The following GARS1 variants were observed in gnomAD, a reference collection of about 807,000 sequenced individuals.
GARS1 encodes glycyl-tRNA synthetase 1.
Under a neutral mutation model 86.4 loss-of-function variants are expected in GARS1, and 46 were observed. The observed-to-expected ratio is 0.53, with a 90% confidence interval of 0.42 to 0.68. The LOEUF (loss-of-function observed/expected upper bound fraction) is 0.68, where lower values mean the gene tolerates loss of function less well. GARS1 is among the 30% of genes least tolerant of loss of function. GARS1 has a pLI of 0.00. For missense variants in GARS1, 797 were observed against 915.6 expected (o/e 0.87, Z 1.67); for synonymous variants, 342 against 329.8 (o/e 1.04, Z -0.40).
chr7:30,621,079 G>T (rs1212247802), intron 10 of GARS1, among the ~76,000 whole-genome samples: 1 of 145,614 alleles, frequency 6.9e-6, no homozygotes. Context: ...TTTAAGATAG[G>T]GTCTCACTGT....
At chr7:30,604,515 C>T (rs959066398) in intron 6 of GARS1, among the ~76,000 whole-genome samples, 1 of 150,010 alleles carries the variant, frequency 6.7e-6, no homozygotes, top group Non-Finnish European at 1.5e-5. Context: ...CCACTGTTGT[C>T]CTAATTTTTT....
chr7:30,614,136 A>G (rs555832689), intron 8 of GARS1: 3 of 152,302 alleles, frequency 2.0e-5, no homozygotes, highest in Non-Finnish European at 4.4e-5. Context: ...TATGATTTCA[A>G]GTCACACAGT....
At chr7:30,627,905 T>C (rs565541575) in intron 13 of GARS1, among the ~76,000 whole-genome samples, 1 of 152,266 alleles carries the variant, frequency 6.6e-6, no homozygotes, top group East Asian at 1.9e-4. Flanking sequence ...TTTTTTATGC[T>C]TTCTGGGTAG....
chr7:30,617,371 G>T, intron 10 of GARS1, 93 bp downstream of exon 10: 1 of 1,387,676 alleles, frequency 7.2e-7, no homozygotes. Flanking sequence ...TGTCACAGAG[G>T]AACAAAGGGA....
chr7:30,603,999 G>A (rs950103933), intron 6 of GARS1, among the ~76,000 whole-genome samples: 2 of 152,094 alleles, frequency 1.3e-5, no homozygotes, highest in African/African-American at 4.8e-5. Context: ...TCATGAGCAG[G>A]TCCTGACTTT....
chr7:30,625,901 G>C (rs1783119005), intron 12 of GARS1, among the ~76,000 whole-genome samples: 1 of 152,114 alleles, frequency 6.6e-6, no homozygotes, highest in Non-Finnish European at 1.5e-5. Flanking sequence ...TGACAAAGTT[G>C]TTATTATTCT....
At position 30,600,014 on chromosome 7, in the gene GARS1, G is replaced by A. The variant is rs1208484453; in HGVS notation, c.392G>A (p.Arg131Lys). 3.7e-6 allele frequency: 6 copies of A among 1,613,932 alleles called. No individual in the cohort carries two copies. The highest frequency in any genetic ancestry group is 5.1e-6 in the Non-Finnish European group (6 of 1,179,864). The part of the protein sequence containing the change: ...RAKMEDTLKR[R>K]FFYDQAFAIY... ...AAAATGGAAGATACCCTGAAGAGGA[G>A]GTTTTTCTATGATCAAGCTTTTGCT... Residue 131 changes from arginine (R) to lysine (K), a missense_variant, in exon 3 of 17, where the codon AGG becomes AAG. Coordinates refer to ENST00000389266, the MANE Select transcript of GARS1 (RefSeq NM_002047.4).
In GARS1 at chr7:30,594,909, G is replaced by C. The variant is rs1396215081; in HGVS notation, c.-13G>C. The C allele has an allele frequency of 1.1e-5, 17 of 1,554,254 alleles. No homozygotes were observed. Among genetic ancestry groups the C allele is most frequent in the Non-Finnish European group, 1.4e-5 (16 of 1,156,474 alleles). On this transcript the variant is annotated 5_prime_UTR_variant, in exon 1 of 17. Coordinates refer to ENST00000389266, the MANE Select transcript of GARS1 (RefSeq NM_002047.4). ...GTCGCCACCCTCTCTGGACAGCCCA[G>C]GGCCGCAGGCTCATGCCCTCTCCGC...
chr7:30,604,536 C>CT (rs990695148), intron 6 of GARS1, among the ~76,000 whole-genome samples: 5 of 151,582 alleles, frequency 3.3e-5, no homozygotes, highest in Non-Finnish European at 7.4e-5. Flanking sequence ...TTTTAGCATG[C>CT]TTTTTTTCTC....
At chr7:30,628,465 G>A (rs1783170051) in intron 13 of GARS1, 95 bp from the exon 14 acceptor site, 1 of 909,156 alleles carries the variant, frequency 1.1e-6, no homozygotes, top group Non-Finnish European at 1.8e-6. Context: ...GATTACAGGT[G>A]TGAGCCACCG....
At chr7:30,619,592 C>T (rs956771355) in intron 10 of GARS1, among the ~76,000 whole-genome samples, 6 of 151,854 alleles carry the variant, frequency 4.0e-5, no homozygotes, top group South Asian at 2.1e-4. Context: ...CTTAACCAGT[C>T]GACATGTATA....
At position 30,599,953 on chromosome 7, in the gene GARS1, G is replaced by A. The variant is rs1367413350; in HGVS notation, c.331G>A (p.Ala111Thr). 20 of 1,612,200 alleles carry A rather than the reference G, an allele frequency of 1.2e-5. No individual in the cohort carries two copies. The highest frequency in any genetic ancestry group is 1.7e-5 in the Non-Finnish European group (20 of 1,178,542). Reference protein sequence around the residue: ...RKRVLEAKELALQPKDDIVDR... With the variant: ...RKRVLEAKELTLQPKDDIVDR... ...TTTATTTAATCTCTAACAGGAGCTG[G>A]CGTTACAGCCCAAAGATGATATTGT... The change falls in exon 3 of 17, where the codon GCG becomes ACG. Residue 111 changes from alanine to threonine, a missense_variant. Transcript: ENST00000389266.
intron 7 of GARS1, 105 bp downstream of exon 7, chr7:30,609,835 A>G: frequency 1.0e-6 from 1 of 980,700 alleles, no homozygotes; most frequent in Non-Finnish European, 1.6e-6. Context: ...TTAAAAAGTG[A>G]TATACAGAAG....
rs112431911 is a variant in GARS1, at chr7:30,609,970, A to G, written c.881+240A>G. Among the ~76,000 whole-genome samples the G allele has an allele frequency of 6.9e-3, 1,056 of 152,316 alleles. 11 individuals are homozygous for G. Among genetic ancestry groups the G allele is most frequent in the Non-Finnish European group, 8.3e-3 (563 of 68,018 alleles). ...GCATAAAATAAAGTCTCTGATCACT[A>G]TATCTTCTAGTTATAGCTGCATAGG... is the stretch of plus-strand genomic sequence containing the variant. On this transcript the variant is annotated intron_variant, in intron 7 of 16. Transcript: ENST00000389266.
chr7:30,628,514 A>T, intron 13 of GARS1, 46 bp from the exon 14 acceptor site: 1 of 1,324,764 alleles, frequency 7.5e-7, no homozygotes, highest in Non-Finnish European at 1.1e-6. Flanking sequence ...GAAATGCATT[A>T]TGTGGTATTT....
At chr7:30,600,325 T>A (rs1791347080) in intron 3 of GARS1, among the ~76,000 whole-genome samples, 1 of 152,236 alleles carries the variant, frequency 6.6e-6, no homozygotes, top group South Asian at 2.1e-4. Flanking sequence ...ACTCATGTAC[T>A]CTTTTTAAAA....
In GARS1 at chr7:30,594,883, C is replaced by G; in HGVS notation, c.-39C>G. Reference sequence around the variant, plus strand: ...CGAGCCGGGCGGCGCGCGCCGCTTCCGTCGCCACCCTCTCTGGACAGCCCA... The same window carrying G: ...CGAGCCGGGCGGCGCGCGCCGCTTCGGTCGCCACCCTCTCTGGACAGCCCA... On this transcript the variant is annotated 5_prime_UTR_variant, in exon 1 of 17. Transcript: ENST00000389266. The G allele has an allele frequency of 6.7e-7, 1 of 1,500,888 alleles. No individual in the cohort carries two copies. The highest frequency in any genetic ancestry group is 9.0e-7 in the Non-Finnish European group (1 of 1,116,906). 93.0% of individuals were successfully genotyped at this position (1,500,888 alleles called of 1,614,324 possible).
Position 30,595,014 on chromosome 7 carries a change from G to C in GARS1, c.93G>C (p.Leu31=), listed in dbSNP as rs2529438. Residue 31 remains leucine (L), a synonymous_variant, in exon 1 of 17, where the codon CTG becomes CTC. Coordinates refer to ENST00000389266, the MANE Select transcript of GARS1 (RefSeq NM_002047.4). The part of the protein sequence containing the change: ...PPRLLARPSL[L]LRRSLSAASC... Reference sequence around the variant, plus strand: ...GGCTCTTAGCCCGACCCTCGCTCCTGCTCCGCCGGTCCCTCAGCGCGGCCT... The same window carrying C: ...GGCTCTTAGCCCGACCCTCGCTCCTCCTCCGCCGGTCCCTCAGCGCGGCCT... The C allele has an allele frequency of 0.099, 155,757 of 1,580,278 alleles. 8,756 individuals are homozygous for C. Among genetic ancestry groups the C allele is most frequent in the East Asian group, 0.19 (8,311 of 43,782 alleles).
intron 8 of GARS1, among the ~76,000 whole-genome samples, chr7:30,613,467 G>A (rs916359501): frequency 6.6e-6 from 1 of 152,188 alleles, no homozygotes; most frequent in Non-Finnish European, 1.5e-5. Context: ...CCCAAACTGA[G>A]GAAGCTGCGT....
Sources: gnomAD v4.1 joint callset for allele counts (sites outside exome capture counted in the v4.1 genomes callset) on GRCh38, gnomAD v4.1.1 for gene constraint, MANE v1.5 for transcripts, NCBI Gene and HGNC (gene_info 2026-07-23, HGNC 2026-07-21) for gene names.